Variants in SCHIP1 observed in about 807,000 individuals in gnomAD.
SCHIP1 encodes schwannomin interacting protein 1, also known as schwannomin-interacting protein 1.
SCHIP1 carries 8 observed loss-of-function variants against 29.7 expected under a neutral mutation model. The observed-to-expected ratio is 0.27, with a 90% CI of 0.16 to 0.49. The LOEUF is 0.49. Ranked by LOEUF, SCHIP1 falls within the 20% of genes least tolerant of loss-of-function variation. SCHIP1 has a pLI of 0.99. For synonymous variants in SCHIP1, 76 were observed against 94.9 expected (o/e 0.80, Z 1.16); for missense variants, 193 against 294.6 (o/e 0.66, Z 2.52).
chr3:159,687,397 A>G, the SCHIP1 span, among the ~76,000 whole-genome samples: 2 of 152,104 alleles, frequency 1.3e-5, no homozygotes, highest in Non-Finnish European at 2.9e-5. Flanking sequence ...AAAATATTCT[A>G]TGTTTACTGA....
At chr3:159,764,499 C>G in the SCHIP1 span, 1 of 1,587,334 alleles carries the variant, frequency 6.3e-7, no homozygotes, top group Non-Finnish European at 8.6e-7. This position sits in a 1 kb window ranked among gnomAD's most constrained non-coding sequence, Gnocchi z 6.1. Context: ...GCAGCAGCAG[C>G]AGCCGCGCCA....
At chr3:159,726,267 G>C in the SCHIP1 span, among the ~76,000 whole-genome samples, 1 of 152,182 alleles carries the variant, frequency 6.6e-6, no homozygotes, top group Admixed American at 6.5e-5. Flanking sequence ...GGCTTCTGCT[G>C]TACTGGATTT....
chr3:159,803,487 GATAACC>G, the SCHIP1 span, among the ~76,000 whole-genome samples: 1 of 152,088 alleles, frequency 6.6e-6, no homozygotes, highest in African/African-American at 2.4e-5. Context: ...GAAAGGCAAA[GATAACC>G]ATATCCTTTA....
chr3:159,330,223 AGTAT>A, the SCHIP1 span, among the ~76,000 whole-genome samples: 1 of 152,178 alleles, frequency 6.6e-6, no homozygotes, highest in African/African-American at 2.4e-5. Flanking sequence ...TAGACATCAA[AGTAT>A]GTATAGATCA....
chr3:159,703,060 A>T, the SCHIP1 span, among the ~76,000 whole-genome samples: 2 of 152,170 alleles, frequency 1.3e-5, no homozygotes, highest in Non-Finnish European at 2.9e-5. Context: ...CTGAGGTGTA[A>T]AGGAGGAGGC....
the SCHIP1 span, among the ~76,000 whole-genome samples, chr3:159,710,635 A>T: frequency 6.6e-6 from 1 of 152,256 alleles, no homozygotes; most frequent in Non-Finnish European, 1.5e-5. Flanking sequence ...GTACTAAGAC[A>T]TCATATTTTG....
chr3:159,651,966 C>A, the SCHIP1 span, among the ~76,000 whole-genome samples: 1 of 152,032 alleles, frequency 6.6e-6, no homozygotes, highest in Non-Finnish European at 1.5e-5. Context: ...CATGGTGGCA[C>A]GTGCCTGTAG....
the SCHIP1 span, among the ~76,000 whole-genome samples, chr3:159,694,392 T>A: frequency 6.6e-6 from 1 of 151,856 alleles, no homozygotes; most frequent in African/African-American, 2.4e-5. Context: ...TGGTGGCGGG[T>A]GCCTGTAATC....
chr3:159,866,384 T>G, intron 2 of SCHIP1, 103 bp downstream of exon 3: 1 of 1,132,094 alleles, frequency 8.8e-7, no homozygotes, highest in Non-Finnish European at 1.3e-6. Flanking sequence ...AGTTTTTTTT[T>G]CCCCCTCGCA....
rs143683984 is a variant in SCHIP1 at position 159,868,424 on chromosome 3, C to G, written c.149+2143C>G. On this transcript the variant is annotated intron_variant, in intron 2 of 6. Coordinates refer to ENST00000445224, the Ensembl canonical transcript of SCHIP1. ...ACAGCCCTCCCAAAGACTGTCATCT[C>G]TTCTATTCTTCCTTTAGAGTAATTT... 1.9e-3 allele frequency among the ~76,000 whole-genome samples: 295 copies of G among 152,182 alleles called. 3 individuals carry two copies. The highest frequency in any genetic ancestry group is 8.4e-4 in the Non-Finnish European group (57 of 67,958).
At chr3:159,551,488 T>C in the SCHIP1 span, among the ~76,000 whole-genome samples, 2 of 152,156 alleles carry the variant, frequency 1.3e-5, no homozygotes, top group African/African-American at 4.8e-5. Flanking sequence ...TGGGAGATTG[T>C]GATTATAAAG....
chr3:159,347,430 G>A, the SCHIP1 span, among the ~76,000 whole-genome samples: 2 of 152,178 alleles, frequency 1.3e-5, no homozygotes, highest in Admixed American at 6.5e-5. Context: ...GAGTTAATTT[G>A]TCCAATTGTG....
the SCHIP1 span, among the ~76,000 whole-genome samples, chr3:159,662,706 G>A: frequency 6.6e-6 from 1 of 152,006 alleles, no homozygotes; most frequent in Non-Finnish European, 1.5e-5. Flanking sequence ...TATCCTCTAG[G>A]CCAAACCCAT....
the SCHIP1 span, among the ~76,000 whole-genome samples, chr3:159,440,733 T>G: frequency 6.6e-6 from 1 of 152,188 alleles, no homozygotes. Flanking sequence ...AATTTTTGTA[T>G]TATTATATAA....
chr3:159,406,633 G>T, the SCHIP1 span, among the ~76,000 whole-genome samples: 1 of 152,136 alleles, frequency 6.6e-6, no homozygotes, highest in South Asian at 2.1e-4. Flanking sequence ...AACACATCTT[G>T]AATACAAAGA....
At chr3:159,419,611 C>G in the SCHIP1 span, among the ~76,000 whole-genome samples, 16 of 152,124 alleles carry the variant, frequency 1.1e-4, no homozygotes, top group Non-Finnish European at 1.6e-4. Flanking sequence ...GAGTCCAGGA[C>G]CAGCCTGGCC....
the SCHIP1 span, among the ~76,000 whole-genome samples, chr3:159,397,672 G>A: frequency 6.6e-6 from 1 of 152,194 alleles, no homozygotes; most frequent in South Asian, 2.1e-4. Context: ...GAGGCAGTCT[G>A]CCCGTTCTCA....
chr3:159,383,126 T>C, the SCHIP1 span, among the ~76,000 whole-genome samples: 1 of 150,718 alleles, frequency 6.6e-6, no homozygotes, highest in East Asian at 2.0e-4. Context: ...GTCCCATTTG[T>C]CAATTTTGGC....
the SCHIP1 span, among the ~76,000 whole-genome samples, chr3:159,328,737 C>A: frequency 6.6e-6 from 1 of 152,088 alleles, no homozygotes; most frequent in African/African-American, 2.4e-5. Context: ...GGGGTCAAGA[C>A]TTGTCTTCTG....
Sources: gnomAD v4.1 joint callset for allele counts (sites outside exome capture counted in the v4.1 genomes callset) on GRCh38, gnomAD v4.1.1 for gene constraint, Gnocchi (gnomAD v3.1) non-coding constraint, MANE v1.5 for transcripts, NCBI Gene and HGNC (gene_info 2026-07-23, HGNC 2026-07-21) for gene names.